The following PCDH11Y variants were observed in gnomAD, a reference collection of about 807,000 sequenced individuals.
The protein encoded by PCDH11Y is protocadherin-11 Y-linked.
For missense variants in PCDH11Y, 12 were observed against 224.8 expected (o/e 0.05, Z 6.05); for synonymous variants, 9 against 83.6 (o/e 0.11, Z 4.87).
At chrY:5,190,355 C>A in intron 2 of PCDH11Y, among the ~76,000 whole-genome samples, 1 of 34,268 alleles carries the variant, frequency 2.9e-5, no homozygotes, top group African/African-American at 1.1e-4. Context: ...AATAAAAGAT[C>A]TTGTTCAATT....
chrY:5,097,322 A>G, intron 1 of PCDH11Y, among the ~76,000 whole-genome samples: 1 of 30,565 alleles, frequency 3.3e-5, no homozygotes, highest in Non-Finnish European at 7.8e-5. Context: ...AGCTGTATTT[A>G]TTAGATATGA....
intron 2 of PCDH11Y, among the ~76,000 whole-genome samples, chrY:5,402,558 T>C: frequency 6.2e-5 from 2 of 32,419 alleles, no homozygotes; most frequent in South Asian, 7.0e-4. Context: ...TAGGTTCTTA[T>C]ACTACCTTTT....
intron 4 of PCDH11Y, among the ~76,000 whole-genome samples, chrY:5,601,535 T>G: frequency 3.1e-5 from 1 of 32,225 alleles, no homozygotes; most frequent in Non-Finnish European, 7.6e-5. Context: ...TAGCAATCAT[T>G]TGTCTATTCC....
chrY:5,314,925 A>G, intron 2 of PCDH11Y, among the ~76,000 whole-genome samples: 1 of 31,427 alleles, frequency 3.2e-5, no homozygotes, highest in Admixed American at 3.0e-4. Context: ...CTAGAGCAGA[A>G]TGATAGAAAT....
At chrY:5,349,067 G>A in intron 2 of PCDH11Y, among the ~76,000 whole-genome samples, 1 of 31,869 alleles carries the variant, frequency 3.1e-5, no homozygotes, top group Non-Finnish European at 7.6e-5. Flanking sequence ...GATGGAGGTT[G>A]CAGTGAGGTG....
chrY:5,508,394 A>G, intron 3 of PCDH11Y, among the ~76,000 whole-genome samples: 1 of 33,175 alleles, frequency 3.0e-5, no homozygotes, highest in South Asian at 6.6e-4. Flanking sequence ...CTCTCTCTTA[A>G]TCAATAATCT....
chrY:5,464,393 G>A, intron 2 of PCDH11Y, among the ~76,000 whole-genome samples: 1 of 30,219 alleles, frequency 3.3e-5, no homozygotes, highest in African/African-American at 1.3e-4. Flanking sequence ...CTTGGGGCAT[G>A]TTAAGGAACC....
chrY:5,181,779 AT>A (rs2052900381), intron 2 of PCDH11Y, among the ~76,000 whole-genome samples: 1 of 33,313 alleles, frequency 3.0e-5, no homozygotes, highest in Non-Finnish European at 7.4e-5. Context: ...CAGGTCAGTT[AT>A]GTTTCTCTCT....
chrY:5,224,247 T>C (rs2052957319), intron 2 of PCDH11Y, among the ~76,000 whole-genome samples: 1 of 22,393 alleles, frequency 4.5e-5, no homozygotes, highest in Non-Finnish European at 9.9e-5. Context: ...GACTCAGAGG[T>C]AGTCATGGAA....
intron 2 of PCDH11Y, among the ~76,000 whole-genome samples, chrY:5,467,641 A>T: frequency 3.0e-5 from 1 of 32,798 alleles, no homozygotes; most frequent in African/African-American, 1.2e-4. Context: ...GATAATTTGG[A>T]GAGCAAAGCA....
intron 3 of PCDH11Y, among the ~76,000 whole-genome samples, chrY:5,501,877 C>T: frequency 3.5e-5 from 1 of 28,745 alleles, no homozygotes; most frequent in African/African-American, 1.4e-4. Flanking sequence ...AATAAAATTT[C>T]ATTAAATGTA....
intron 4 of PCDH11Y, among the ~76,000 whole-genome samples, chrY:5,626,014 A>G (rs2053506969): frequency 3.2e-5 from 1 of 30,960 alleles, no homozygotes; most frequent in African/African-American, 1.3e-4. Context: ...GTTATAATTC[A>G]TCTGTGAATC....
chrY:5,271,720 G>A (rs2053037123), intron 2 of PCDH11Y, among the ~76,000 whole-genome samples: 1 of 31,626 alleles, frequency 3.2e-5, no homozygotes, highest in Non-Finnish European at 8.1e-5. Flanking sequence ...ACATTTTAAT[G>A]GTGTTTAAAC....
chrY:5,688,312 G>T, intron 4 of PCDH11Y, among the ~76,000 whole-genome samples: 2 of 30,696 alleles, frequency 6.5e-5, no homozygotes, highest in Non-Finnish European at 1.6e-4. Context: ...CATTGGAGAG[G>T]TATTGTGCTA....
chrY:5,171,276 T>C, intron 2 of PCDH11Y, among the ~76,000 whole-genome samples: 1 of 31,116 alleles, frequency 3.2e-5, no homozygotes. Flanking sequence ...CCTTAAACCA[T>C]ATTCTCTTTA....
chrY:5,096,438 C>CGTGTGTGT (rs367616063), intron 1 of PCDH11Y, among the ~76,000 whole-genome samples: 2 of 19,786 alleles, frequency 1.0e-4, no homozygotes, highest in African/African-American at 3.9e-4. Context: ...TTTAGATGTA[C>CGTGTGTGT]GTGTGTGTGT....
At position 5,624,719 on chromosome Y, in the gene PCDH11Y, T is replaced by C. The variant is rs1602953395; in HGVS notation, c.3352+42921T>C. ...TGTGTGGCTTTATTTCTGGGCTCTT[T>C]ATTCTTTTCCATTAGTCTCTGTGTC... On this transcript the variant is annotated intron_variant, in intron 4 of 4. Transcript: ENST00000400457. Among the ~76,000 whole-genome samples the C allele has an allele frequency of 5.6e-4, 18 of 32,272 alleles. No homozygotes were observed. In the South Asian group the frequency reaches 0.013, roughly 23 times the overall value. The allele number at this position is 32,272 out of a possible 37,273, so 86.6% of individuals were successfully genotyped here. A position where few individuals can be genotyped will look rare whatever the true frequency, so the allele number is the denominator to read the frequency against.
intron 2 of PCDH11Y, among the ~76,000 whole-genome samples, chrY:5,347,062 A>G (rs2053153148): frequency 1.5e-4 from 5 of 33,453 alleles, no homozygotes; most frequent in African/African-American, 2.3e-4. Context: ...AGAAAAAAAT[A>G]AAAGAATCGA....
At chrY:5,244,741 C>T (rs2052993748) in intron 2 of PCDH11Y, among the ~76,000 whole-genome samples, 81 of 34,271 alleles carry the variant, frequency 2.4e-3, no homozygotes, top group African/African-American at 9.0e-3. Context: ...CCAGTCTTCC[C>T]GTGGGAGCGC....
Sources: gnomAD v4.1 joint callset for allele counts (sites outside exome capture counted in the v4.1 genomes callset) on GRCh38, gnomAD v4.1.1 for gene constraint, MANE v1.5 for transcripts, NCBI Gene and HGNC (gene_info 2026-07-23, HGNC 2026-07-21) for gene names.